The following BLM variants were observed in gnomAD, a reference collection of about 807,000 sequenced individuals.
BLM encodes the protein BLM RecQ like helicase, also known as recQ-like DNA helicase BLM.
A neutral mutation model predicts 135.3 loss-of-function variants in BLM; 95 were observed. That is an observed-to-expected ratio of 0.70 (90% CI 0.59 to 0.83). The LOEUF is 0.83. Among genes scored for constraint, BLM ranks in the 40% least tolerant of loss-of-function variants. BLM has a pLI of 0.00. For missense variants in BLM, 1,518 were observed against 1,663.9 expected (o/e 0.91, Z 1.53); for synonymous variants, 520 against 589.2 (o/e 0.88, Z 1.70).
chr15:90,749,345 T>C lies in BLM; in HGVS notation c.99-22T>C, dbSNP rs371133046. On this transcript the variant is annotated intron_variant, in intron 2 of 21. Transcript: ENST00000355112. ...TTTCTTAAAATGGATCCATCTAATC[T>C]AGTTTTTCCATTATTTTTCAGAGGT... 4.5e-6 allele frequency: 7 copies of C among 1,550,134 alleles called. No individual in the cohort carries two copies. The South Asian group carries it at 5.6e-5, about 13-fold the overall frequency.
chr15:90,757,244 T>G (rs930680462), intron 5 of BLM, among the ~76,000 whole-genome samples: 1 of 131,102 alleles, frequency 7.6e-6, no homozygotes, highest in Non-Finnish European at 1.6e-5. Context: ...ATTAGAACAA[T>G]GTTTGTCTGT....
chr15:90,776,970 C>A (rs1175143412), intron 12 of BLM, among the ~76,000 whole-genome samples: 2 of 151,682 alleles, frequency 1.3e-5, no homozygotes, highest in African/African-American at 4.8e-5. Flanking sequence ...AATTAGACTT[C>A]TTTTCTTTGT....
chr15:90,792,756 C>T (rs7183265), intron 15 of BLM, among the ~76,000 whole-genome samples: 2,145 of 152,194 alleles, frequency 0.014, 65 homozygotes, highest in African/African-American at 0.047. Flanking sequence ...AAAACCTTTG[C>T]TTTCCTCATT....
chr15:90,786,585 T>A (rs1204322461), intron 14 of BLM, among the ~76,000 whole-genome samples: 1 of 152,162 alleles, frequency 6.6e-6, no homozygotes, highest in Non-Finnish European at 1.5e-5. Flanking sequence ...AAATGGTATC[T>A]CTTTGTGGGT....
At chr15:90,791,693 C>T (rs753578124) in intron 15 of BLM, among the ~76,000 whole-genome samples, 6 of 151,994 alleles carry the variant, frequency 3.9e-5, no homozygotes, top group Non-Finnish European at 8.8e-5. Flanking sequence ...GGCTGCAGTG[C>T]AGTGGCAGAA....
chr15:90,751,255 A>G (rs987149894), intron 3 of BLM, among the ~76,000 whole-genome samples: 4 of 152,208 alleles, frequency 2.6e-5, no homozygotes, highest in African/African-American at 9.7e-5. Flanking sequence ...CTGAAAAGTG[A>G]TTGACGATAA....
chr15:90,766,954 T>C lies in BLM; in HGVS notation c.2238T>C (p.Ala746=), dbSNP rs1357709376. The change falls in exon 10 of 22, where the codon GCT becomes GCC. Residue 746 remains alanine (A), a synonymous_variant. Transcript: ENST00000355112. ...CAGGTGATAAGACTGACTCAGAAGC[T>C]ACAAATATTTACCTCCAGTTATCAA... ...YLTGDKTDSE[A]TNIYLQLSKK... is the part of the protein sequence containing the mutation. The C allele has an allele frequency of 1.2e-6, 2 of 1,606,156 alleles. No homozygotes were observed. Among genetic ancestry groups the C allele is most frequent in the Non-Finnish European group, 1.7e-6 (2 of 1,173,758 alleles).
Position 90,776,768 on chromosome 15 carries a change from G to A in BLM, c.2556-6054G>A, listed in dbSNP as rs1282988453. ...TTGCCCAGACTGGTCTCGAACTCCT[G>A]AGCTCAAAGGATCTGCCTGCCCCGG... On this transcript the variant is annotated intron_variant, in intron 12 of 21. Transcript: ENST00000355112. 2.0e-5 allele frequency among the ~76,000 whole-genome samples: 3 copies of A among 152,040 alleles called. No individual in the cohort carries two copies. In the East Asian group the frequency reaches 5.8e-4, roughly 29 times the overall value.
rs375831667 is a variant in BLM at position 90,763,177 on chromosome 15, A to G, written c.2074+20A>G. On this transcript the variant is annotated intron_variant, in intron 8 of 21. Transcript: ENST00000355112. Reference sequence around the variant, plus strand: ...CGACTGGTATGTATTTTTAGAAGTGAATTGGCAGGAATCCATTGGCAGATG... The same window carrying G: ...CGACTGGTATGTATTTTTAGAAGTGGATTGGCAGGAATCCATTGGCAGATG... 8.7e-6 allele frequency: 14 copies of G among 1,610,166 alleles called. No individual in the cohort carries two copies. In the African/African-American group the frequency reaches 1.7e-4, roughly 20 times the overall value.
At chr15:90,770,430 C>G (rs771995375) in intron 12 of BLM, among the ~76,000 whole-genome samples, 32 of 152,184 alleles carry the variant, frequency 2.1e-4, no homozygotes, top group African/African-American at 7.2e-4. Context: ...CCCGCCTTGG[C>G]CTCCCAAAGT....
intron 1 of BLM, among the ~76,000 whole-genome samples, chr15:90,731,761 G>A (rs1425816713): frequency 2.0e-5 from 3 of 151,622 alleles, no homozygotes; most frequent in Non-Finnish European, 4.4e-5. Context: ...AACAAACTTG[G>A]TTTATTGATC....
chr15:90,757,837 G>T (rs1432464665), intron 5 of BLM, among the ~76,000 whole-genome samples: 1 of 151,874 alleles, frequency 6.6e-6, no homozygotes, highest in African/African-American at 2.4e-5. Context: ...AGGCCTGAGA[G>T]GTGGCAAAGG....
intron 14 of BLM, among the ~76,000 whole-genome samples, 198 bp downstream of exon 14, chr15:90,785,279 T>C (rs1240840604): frequency 1.3e-5 from 2 of 152,186 alleles, no homozygotes; most frequent in African/African-American, 4.8e-5. Flanking sequence ...TGAGATATAA[T>C]TCACATATCA....
chr15:90,800,991 A>T (rs1567061471), intron 17 of BLM, among the ~76,000 whole-genome samples: 3 of 152,088 alleles, frequency 2.0e-5, no homozygotes. Flanking sequence ...CTACAAAAAA[A>T]TACAAAAATT....
intron 1 of BLM, among the ~76,000 whole-genome samples, chr15:90,726,278 C>CT (rs941126006): frequency 1.1e-4 from 17 of 151,994 alleles, no homozygotes; most frequent in Non-Finnish European, 2.1e-4. Context: ...CTTTTCTTTC[C>CT]TTTTTTTGAG....
At chr15:90,753,232 C>A (rs1272212397) in intron 4 of BLM, among the ~76,000 whole-genome samples, 1 of 151,830 alleles carries the variant, frequency 6.6e-6, no homozygotes, top group Non-Finnish European at 1.5e-5. Flanking sequence ...GGCAACATAG[C>A]GAGACCCTCA....
At chr15:90,763,544 T>A (rs1352726179) in intron 8 of BLM, among the ~76,000 whole-genome samples, 1 of 152,190 alleles carries the variant, frequency 6.6e-6, no homozygotes, top group African/African-American at 2.4e-5. Flanking sequence ...TATGCATATA[T>A]GCATAGTGGT....
rs28745023 is a variant in BLM at position 90,741,046 on chromosome 15, T to TA, written c.-4-6342dup. Among the ~76,000 whole-genome samples, 850 of 152,356 alleles carry TA rather than the reference T, an allele frequency of 5.6e-3. 9 individuals are homozygous for TA. The highest frequency in any genetic ancestry group is 0.041 in the East Asian group (215 of 5,188). On this transcript the variant is annotated intron_variant, in intron 1 of 21. Transcript: ENST00000355112. The stretch of plus-strand genomic sequence containing the variant: ...GTTTTCCAAAGTGGCTGTGCCATTT[T>TA]AGAGTCCTACCAGCAGTGTATGAGG...
chr15:90,813,115 A>T (rs1395790694), intron 21 of BLM, among the ~76,000 whole-genome samples: 1 of 152,186 alleles, frequency 6.6e-6, no homozygotes, highest in Non-Finnish European at 1.5e-5. Context: ...AGAAGCGGAC[A>T]CTGGCCTGCC....
Sources: allele counts gnomAD v4.1 joint callset (sites outside exome capture counted in the v4.1 genomes callset), GRCh38; gene constraint gnomAD v4.1.1; transcripts MANE v1.5; gene names NCBI Gene and HGNC (gene_info 2026-07-23, HGNC 2026-07-21).